Variants in PACRGL observed in about 807,000 individuals in gnomAD.
The protein encoded by PACRGL is PACRG-like protein.
In PACRGL, 38 loss-of-function variants were observed where a neutral mutation model predicts 34.5. The observed-to-expected ratio is 1.10, with a 90% confidence interval of 0.85 to 1.44. The LOEUF (loss-of-function observed/expected upper bound fraction) is 1.44, where lower values mean the gene tolerates loss of function less well. Ranked by LOEUF, PACRGL falls within the 40% of genes most tolerant of loss-of-function variation. The probability of loss-of-function intolerance (pLI) is 0.00; values close to 1 mark genes in which losing one functional copy is unlikely to be tolerated. For missense variants in PACRGL, 305 were observed against 281.4 expected (o/e 1.08, Z -0.60); for synonymous variants, 128 against 100.1 (o/e 1.28, Z -1.66).
chr4:20,737,597 C>T (rs960795004), intron 8 of PACRGL, among the ~76,000 whole-genome samples: 10 of 151,956 alleles, frequency 6.6e-5, no homozygotes, highest in African/African-American at 2.2e-4. Context: ...TGTTTCTGTC[C>T]GATAGCTTTA....
At position 20,731,578 on chromosome 4, in the gene PACRGL, C is replaced by T. The variant is rs16869917; in HGVS notation, c.*4237C>T. 4.8e-4 allele frequency: 475 copies of T among 985,356 alleles called. 7 individuals carry two copies. The East Asian group carries it at 0.038, about 78-fold the overall frequency. The allele number at this position is 985,356 out of a possible 1,614,324, so 61.0% of individuals were successfully genotyped here. A position where few individuals can be genotyped will look rare whatever the true frequency, so the allele number is the denominator to read the frequency against. ...CACATACACTAAAACAATGACTTTT[C>T]TCTTAGAAATCAGATAGAAGCTTGG... On this transcript the variant is annotated 3_prime_UTR_variant, in exon 9 of 9. Transcript: ENST00000503585.
intron 7 of PACRGL, among the ~76,000 whole-genome samples, chr4:20,718,285 A>G (rs1741147807): frequency 6.6e-6 from 1 of 152,132 alleles, no homozygotes; most frequent in South Asian, 2.1e-4. Context: ...AACGGGGACA[A>G]TTTGACTTCC....
intron 4 of PACRGL, among the ~76,000 whole-genome samples, chr4:20,708,091 C>G (rs554334426): frequency 6.6e-6 from 1 of 152,188 alleles, no homozygotes; most frequent in East Asian, 1.9e-4. Flanking sequence ...ATGGATAAAC[C>G]ATCAGTTTAA....
intron 8 of PACRGL, among the ~76,000 whole-genome samples, chr4:20,739,359 C>G (rs1160268157): frequency 1.3e-5 from 2 of 152,118 alleles, no homozygotes; most frequent in African/African-American, 2.4e-5. Flanking sequence ...CCTCATACAG[C>G]CAGGTGCCCC....
downstream of PACRGL, among the ~76,000 whole-genome samples, chr4:20,733,987 G>A (rs1748986977): frequency 6.6e-6 from 1 of 152,174 alleles, no homozygotes; most frequent in Non-Finnish European, 1.5e-5. Context: ...TTCTGGGGAA[G>A]TCTCGTGAGG....
intron 7 of PACRGL, among the ~76,000 whole-genome samples, chr4:20,720,996 C>G (rs867986881): frequency 6.6e-6 from 1 of 152,154 alleles, no homozygotes; most frequent in African/African-American, 2.4e-5. Flanking sequence ...TCACATAGTT[C>G]CATATTTCTT....
At chr4:20,755,964 CTG>C (rs1754391721), downstream of PACRGL, among the ~76,000 whole-genome samples, 1 of 151,750 alleles carries the variant, frequency 6.6e-6, no homozygotes, top group South Asian at 2.1e-4. Context: ...GTAGGCCACT[CTG>C]TAGGTTGTGG....
chr4:20,723,107 C>T (rs575133601), intron 7 of PACRGL, among the ~76,000 whole-genome samples: 5 of 152,140 alleles, frequency 3.3e-5, no homozygotes, highest in Non-Finnish European at 5.9e-5. Context: ...GATGAAATTC[C>T]GTGAGGTTTC....
chr4:20,730,909 C>T lies in PACRGL; in HGVS notation c.*3568C>T, dbSNP rs1016772110. On this transcript the variant is annotated 3_prime_UTR_variant, in exon 9 of 9. Transcript: ENST00000503585. Reference sequence around the variant, plus strand: ...CACTGCTAGAAACCAAGTAACATCACCGTCAAGCAGCTTAATGTCACCAAA... The same window carrying T: ...CACTGCTAGAAACCAAGTAACATCATCGTCAAGCAGCTTAATGTCACCAAA... Among the ~76,000 whole-genome samples, 25 of 152,022 alleles carry T rather than the reference C, an allele frequency of 1.6e-4. No homozygotes were observed. The highest frequency in any genetic ancestry group is 5.8e-4 in the African/African-American group (24 of 41,374).
chr4:20,760,861 G>C, the PACRGL span, among the ~76,000 whole-genome samples: 1 of 152,192 alleles, frequency 6.6e-6, no homozygotes, highest in Non-Finnish European at 1.5e-5. Flanking sequence ...AAGCAAGCAA[G>C]TGAACTGTGA....
chr4:20,760,132 T>C, the PACRGL span, among the ~76,000 whole-genome samples: 3 of 152,190 alleles, frequency 2.0e-5, no homozygotes, highest in African/African-American at 4.8e-5. Context: ...CAACTGCACA[T>C]TGTAAGTGGA....
In PACRGL at chr4:20,709,966, C is replaced by T. The variant is rs1736355774; in HGVS notation, c.366+193C>T. The T allele has an allele frequency of 1.2e-5, 6 of 486,556 alleles. No individual in the cohort carries two copies. In the South Asian group the frequency reaches 1.9e-4, roughly 15 times the overall value. The allele number at this position is 486,556 out of a possible 1,614,324, so 30.1% of individuals were successfully genotyped here. A position where few individuals can be genotyped will look rare whatever the true frequency, so the allele number is the denominator to read the frequency against. ...TAGTTATTTGAAATTGATTAATGAG[C>T]TTTATAAACATGGAATTAGTCTGCA... On this transcript the variant is annotated intron_variant, in intron 5 of 8. Coordinates refer to ENST00000503585, the MANE Select transcript of PACRGL (RefSeq NM_001258345.3).
Position 20,709,683 on chromosome 4 carries a change from A to G in PACRGL, c.276A>G (p.Arg92=), listed in dbSNP as rs775011331. The G allele has an allele frequency of 6.4e-7, 1 of 1,570,452 alleles. No homozygotes were observed. Among genetic ancestry groups the G allele is most frequent in the South Asian group, 1.2e-5 (1 of 85,476 alleles). The change falls in exon 5 of 9, where the codon AGA becomes AGG. Residue 92 remains arginine (R), a splice_region_variant and synonymous_variant. Transcript: ENST00000503585. The stretch of plus-strand genomic sequence containing the variant: ...GCATTCACTAACTTTTATATTTTAG[A>G]TTGGTACATGGTTCAGTAAAACACA... ...AIYSKGGIPC[R]LVHGSVKHRL... is the part of the protein sequence containing the mutation.
intron 7 of PACRGL, among the ~76,000 whole-genome samples, chr4:20,722,504 A>G (rs1743811036): frequency 6.6e-6 from 1 of 152,222 alleles, no homozygotes; most frequent in African/African-American, 2.4e-5. Context: ...TCTTCCAGCA[A>G]CAATGTGTGG....
chr4:20,699,106 G>A (rs900742688), upstream of PACRGL, among the ~76,000 whole-genome samples: 2 of 152,152 alleles, frequency 1.3e-5, no homozygotes, highest in Non-Finnish European at 2.9e-5. Flanking sequence ...TCACGAACTA[G>A]GAGCTCTACT....
intron 7 of PACRGL, among the ~76,000 whole-genome samples, chr4:20,717,026 C>G (rs1404718585): frequency 6.6e-6 from 1 of 152,192 alleles, no homozygotes; most frequent in East Asian, 1.9e-4. Context: ...GATTGCCATT[C>G]TAACTGGTGT....
chr4:20,732,807 C>CGA (rs764336039), downstream of PACRGL: 7 of 1,370,474 alleles, frequency 5.1e-6, no homozygotes, highest in Non-Finnish European at 7.3e-6. Flanking sequence ...AAGGCACTCA[C>CGA]GTGAGGCTGC....
rs1553880904 is a variant in PACRGL at position 20,728,918 on chromosome 4, A to ATTTTTGGCTAAGATGAT, written c.*1578_*1579insTTTTGGCTAAGATGATT. ...TGGCAACTTTACAGTTTTGGCTAAG[A>ATTTTTGGCTAAGATGAT]TGATTAAAAATAATCTGAATTATGA... On this transcript the variant is annotated 3_prime_UTR_variant, in exon 9 of 9. Coordinates refer to ENST00000503585, the MANE Select transcript of PACRGL (RefSeq NM_001258345.3). 4 of 152,030 alleles carry ATTTTTGGCTAAGATGAT rather than the reference A, an allele frequency of 2.6e-5. No individual in the cohort carries two copies. The South Asian group carries it at 6.2e-4, about 24-fold the overall frequency. The allele number at this position is 152,030 out of a possible 1,614,324, so 9.4% of individuals were successfully genotyped here.
At chr4:20,740,824 C>T (rs962954650) in intron 8 of PACRGL, among the ~76,000 whole-genome samples, 1 of 152,012 alleles carries the variant, frequency 6.6e-6, no homozygotes, top group Admixed American at 6.5e-5. Flanking sequence ...TTCAGGAGAC[C>T]CATCTCGCCT....
Sources: gnomAD v4.1 joint callset for allele counts (sites outside exome capture counted in the v4.1 genomes callset) on GRCh38, gnomAD v4.1.1 for gene constraint, MANE v1.5 for transcripts, NCBI Gene and HGNC (gene_info 2026-07-23, HGNC 2026-07-21) for gene names.